Variants in ARMC2 observed in about 807,000 individuals in gnomAD.
ARMC2 encodes armadillo repeat containing 2, also known as armadillo repeat-containing protein 2.
Under a neutral mutation model 90.3 loss-of-function variants are expected in ARMC2, and 67 were observed. The observed-to-expected ratio is 0.74, with a 90% CI of 0.61 to 0.91. The LOEUF is 0.91. Among genes scored for constraint, ARMC2 ranks in the 40% least tolerant of loss-of-function variants. ARMC2 has a pLI of 0.00. For missense variants in ARMC2, 920 were observed against 1,030.9 expected (o/e 0.89, Z 1.47); for synonymous variants, 393 against 393.0 (o/e 1.00, Z 0.00).
At chr6:108,997,186 G>C in the ARMC2 span, among the ~76,000 whole-genome samples, 2 of 152,266 alleles carry the variant, frequency 1.3e-5, no homozygotes, top group Non-Finnish European at 1.5e-5. Context: ...ACTTACCTGG[G>C]AATAGGAAGC....
intron 12 of ARMC2, among the ~76,000 whole-genome samples, chr6:108,944,977 C>A (rs558645465): frequency 6.6e-6 from 1 of 152,250 alleles, no homozygotes; most frequent in African/African-American, 2.4e-5. Flanking sequence ...CCCACACACA[C>A]AAAAACTGAG....
At chr6:109,011,444 A>C in the ARMC2 span, among the ~76,000 whole-genome samples, 1 of 152,114 alleles carries the variant, frequency 6.6e-6, no homozygotes, top group African/African-American at 2.4e-5. Flanking sequence ...CAAGCCATTA[A>C]ATGTCAAGAT....
the ARMC2 span, among the ~76,000 whole-genome samples, chr6:109,020,925 A>C: frequency 3.3e-5 from 5 of 152,198 alleles, no homozygotes; most frequent in African/African-American, 1.2e-4. Context: ...AGTTCCCTAA[A>C]AAAGGAATTA....
At chr6:108,905,766 G>C (rs1772622901) in intron 8 of ARMC2, among the ~76,000 whole-genome samples, 1 of 152,182 alleles carries the variant, frequency 6.6e-6, no homozygotes, top group Non-Finnish European at 1.5e-5. Flanking sequence ...AGCCCTCTTG[G>C]TGACATTGAC....
chr6:109,014,958 T>C, the ARMC2 span, among the ~76,000 whole-genome samples: 3 of 152,196 alleles, frequency 2.0e-5, no homozygotes, highest in Admixed American at 1.3e-4. Context: ...CTTCATAAAA[T>C]CAGAATGTCT....
At chr6:109,041,138 T>TA in the ARMC2 span, among the ~76,000 whole-genome samples, 967 of 134,970 alleles carry the variant, frequency 7.2e-3, 1 homozygote, top group Middle Eastern at 0.015. Flanking sequence ...CTGTTTCTAT[T>TA]AAAAAAAAAA....
rs563799917 is a variant in ARMC2, at chr6:108,905,949, G to C, written c.1023+1544G>C. On this transcript the variant is annotated intron_variant, in intron 8 of 17. Coordinates refer to ENST00000392644, the MANE Select transcript of ARMC2 (RefSeq NM_032131.6). ...CCTGTAACATTCCAGACAAGATCTT[G>C]TTTAGCTTAGGCCTTGGTGATGCGG... 8.2e-4 allele frequency among the ~76,000 whole-genome samples: 125 copies of C among 152,270 alleles called. 2 individuals are homozygous for C. In the Middle Eastern group the frequency reaches 0.01, roughly 12 times the overall value.
chr6:109,017,234 G>GT, the ARMC2 span, among the ~76,000 whole-genome samples: 1 of 152,100 alleles, frequency 6.6e-6, no homozygotes, highest in Non-Finnish European at 1.5e-5. Flanking sequence ...TTGATACTAT[G>GT]TAACCATTTA....
At chr6:109,027,515 C>T in the ARMC2 span, among the ~76,000 whole-genome samples, 2 of 148,548 alleles carry the variant, frequency 1.3e-5, no homozygotes, top group Non-Finnish European at 1.5e-5. Flanking sequence ...GACATCTTCA[C>T]CAATGCTCAG....
intron 10 of ARMC2, among the ~76,000 whole-genome samples, chr6:108,912,854 C>A (rs1773577536): frequency 6.6e-6 from 1 of 152,178 alleles, no homozygotes; most frequent in African/African-American, 2.4e-5. Context: ...AAAACAATTG[C>A]ATGTTAGAGT....
At chr6:108,975,111 C>T (rs1778959534), downstream of ARMC2, among the ~76,000 whole-genome samples, 1 of 151,846 alleles carries the variant, frequency 6.6e-6, no homozygotes, top group Non-Finnish European at 1.5e-5. Flanking sequence ...CACCCATAAC[C>T]CATCATCTAC....
At chr6:109,005,080 C>G in the ARMC2 span, among the ~76,000 whole-genome samples, 1 of 152,148 alleles carries the variant, frequency 6.6e-6, no homozygotes, top group African/African-American at 2.4e-5. Context: ...AAGTGTTAAC[C>G]TACAGATGTG....
intron 12 of ARMC2, among the ~76,000 whole-genome samples, chr6:108,951,706 C>G (rs1777190773): frequency 6.6e-6 from 1 of 152,252 alleles, no homozygotes; most frequent in South Asian, 2.1e-4. Flanking sequence ...ACCCGACGCC[C>G]CTCACGGGGC....
At position 108,973,712 on chromosome 6, in the gene ARMC2, T is replaced by C. The variant is rs1778910331; in HGVS notation, c.*198T>C. The C allele has an allele frequency of 2.3e-6, 1 of 444,280 alleles. No individual in the cohort carries two copies. Among genetic ancestry groups the C allele is most frequent in the East Asian group, 3.4e-5 (1 of 29,102 alleles). The allele number at this position is 444,280 out of a possible 1,614,324, so 27.5% of individuals were successfully genotyped here. On this transcript the variant is annotated 3_prime_UTR_variant, in exon 18 of 18. Coordinates refer to ENST00000392644, the MANE Select transcript of ARMC2 (RefSeq NM_032131.6). Reference sequence around the variant, plus strand: ...ATTATGGAAAAATGAATATACACATTATATTTCCTGTTGAGAGAAATGTAA... The same window carrying C: ...ATTATGGAAAAATGAATATACACATCATATTTCCTGTTGAGAGAAATGTAA...
chr6:108,945,986 C>T (rs1281768982), intron 12 of ARMC2, among the ~76,000 whole-genome samples: 1 of 152,268 alleles, frequency 6.6e-6, no homozygotes, highest in East Asian at 1.9e-4. Context: ...CCCAGCCCCT[C>T]TGCAGGCACA....
At chr6:108,988,467 G>T in the ARMC2 span, 1 of 1,302,372 alleles carries the variant, frequency 7.7e-7, no homozygotes, top group Non-Finnish European at 1.0e-6. Context: ...AAGGGTTTCA[G>T]CACCATTAGG....
the ARMC2 span, among the ~76,000 whole-genome samples, chr6:109,004,892 T>C: frequency 6.6e-6 from 1 of 152,202 alleles, no homozygotes; most frequent in African/African-American, 2.4e-5. Flanking sequence ...TCACAGGCTG[T>C]ATTGGAGAAA....
downstream of ARMC2, among the ~76,000 whole-genome samples, chr6:108,977,992 A>C (rs529964187): frequency 6.6e-6 from 1 of 152,208 alleles, no homozygotes; most frequent in South Asian, 2.1e-4. Flanking sequence ...TTATGTCTCT[A>C]TCACTTTCAG....
the ARMC2 span, among the ~76,000 whole-genome samples, chr6:109,046,299 G>A: frequency 4.0e-5 from 6 of 151,834 alleles, no homozygotes; most frequent in South Asian, 2.1e-4. Flanking sequence ...TGGCCGGGCC[G>A]GTCTCCAGCC....
Sources: allele counts gnomAD v4.1 joint callset (sites outside exome capture counted in the v4.1 genomes callset), GRCh38; gene constraint gnomAD v4.1.1; transcripts MANE v1.5; gene names NCBI Gene and HGNC (gene_info 2026-07-23, HGNC 2026-07-21).